Variants in CDK18 observed in about 807,000 individuals in gnomAD.
CDK18 encodes cyclin dependent kinase 18, also known as cyclin-dependent kinase 18.
A neutral mutation model predicts 62.0 loss-of-function variants in CDK18; 52 were observed. The observed-to-expected ratio is 0.84, with a 90% CI of 0.67 to 1.06. CDK18 has a LOEUF of 1.06. Ranked by LOEUF, CDK18 falls within the 50% of genes least tolerant of loss-of-function variation. The pLI is 0.00. For synonymous variants in CDK18, 237 were observed against 247.0 expected (o/e 0.96, Z 0.38); for missense variants, 604 against 619.9 (o/e 0.97, Z 0.27).
intron 1 of CDK18, among the ~76,000 whole-genome samples, chr1:205,520,140 G>A (rs1172621735): frequency 6.6e-6 from 1 of 152,156 alleles, no homozygotes; most frequent in African/African-American, 2.4e-5. Context: ...TCCTGTGGGG[G>A]GCCTCCTGCT....
chr1:205,531,812 T>C lies in CDK18; in HGVS notation c.*434T>C. 1 of 185,002 alleles carries C rather than the reference T, an allele frequency of 5.4e-6. No homozygotes were observed. Among genetic ancestry groups the C allele is most frequent in the Non-Finnish European group, 1.1e-5 (1 of 89,592 alleles). The allele number at this position is 185,002 out of a possible 1,614,324, so 11.5% of individuals were successfully genotyped here. A position where few individuals can be genotyped will look rare whatever the true frequency, so the allele number is the denominator to read the frequency against. ...TTTGGTAGTCCCCCTTTCTGGCCCCTTGGAGCCCACACACGTTTCATCTTT... is the reference window on the plus strand; with the variant it reads ...TTTGGTAGTCCCCCTTTCTGGCCCCCTGGAGCCCACACACGTTTCATCTTT... On this transcript the variant is annotated 3_prime_UTR_variant, in exon 16 of 16. Transcript: ENST00000429964.
rs955800195 is a variant in CDK18, at chr1:205,516,098, AG to A, written c.-21-7047del. ...GCTAAGGGGTGACTGGCTTCCCCTG[AG>A]GTTTGTCCCAGGCTCCTGGAAACTA... On this transcript the variant is annotated intron_variant, in intron 1 of 15. Coordinates refer to ENST00000429964, the MANE Select transcript of CDK18 (RefSeq NM_212502.3). This position sits in a 1 kb window ranked among gnomAD's most constrained non-coding sequence, Gnocchi z 4.8. 2.2e-4 allele frequency among the ~76,000 whole-genome samples: 34 copies of A among 152,156 alleles called. No individual in the cohort carries two copies. Among genetic ancestry groups the A allele is most frequent in the African/African-American group, 8.2e-4 (34 of 41,438 alleles).
At chr1:205,511,228 T>C (rs1193743254) in intron 1 of CDK18, among the ~76,000 whole-genome samples, 1 of 152,268 alleles carries the variant, frequency 6.6e-6, no homozygotes, top group Non-Finnish European at 1.5e-5. Context: ...AAACATTTTA[T>C]AAAATTCAAA....
intron 1 of CDK18, among the ~76,000 whole-genome samples, chr1:205,519,838 C>G (rs1490173877): frequency 6.6e-6 from 1 of 152,016 alleles, no homozygotes; most frequent in Non-Finnish European, 1.5e-5. Flanking sequence ...CTCCCCTCAC[C>G]CTACAAGCAA....
Position 205,529,039 on chromosome 1 carries a change from C to A in CDK18, c.1015C>A (p.Pro339Thr), listed in dbSNP as rs1381404903. Residue 339 changes from proline (P) to threonine (T), a missense_variant, in exon 11 of 16, where the codon CCC (proline) becomes ACC (threonine). Physicochemically the swap from Pro to Thr is conservative, Grantham distance 38 (BLOSUM62 -1). Coordinates refer to ENST00000429964, the MANE Select transcript of CDK18 (RefSeq NM_212502.3). ...CCACTACGAGATGGCCACAGGGAGG[C>A]CCCTCTTCCCGGGCTCCACAGTCAA... ...CIHYEMATGR[P>T]LFPGSTVKEE... 2.5e-6 allele frequency: 4 copies of A among 1,596,942 alleles called. No homozygotes were observed. The East Asian group carries it at 9.0e-5, about 36-fold the overall frequency.
rs1417290200 is a variant in CDK18 at position 205,529,093 on chromosome 1, C to T, written c.1069C>T (p.Leu357Phe). 1 of 1,573,452 alleles carries T rather than the reference C, an allele frequency of 6.4e-7. No individual in the cohort carries two copies. The highest frequency in any genetic ancestry group is 2.3e-5 in the East Asian group (1 of 42,960). ...KEELHLIFRL[L>F]GTPTEETWPG... ...GGAGCTGCACCTCATCTTTCGCCTC[C>T]TCGGTCAGTCTCCCGCTGCTCCGTC... The change falls in exon 11 of 16, where the codon CTC (leucine) becomes TTC (phenylalanine). Residue 357 changes from leucine to phenylalanine, a missense_variant. Coordinates refer to ENST00000429964, the MANE Select transcript of CDK18 (RefSeq NM_212502.3).
intron 1 of CDK18, among the ~76,000 whole-genome samples, chr1:205,507,005 C>T (rs1667338307): frequency 6.6e-6 from 1 of 152,208 alleles, no homozygotes; most frequent in South Asian, 2.1e-4. Context: ...CTGTCCTCTG[C>T]CTACTTGGGC....
At position 205,527,936 on chromosome 1, in the gene CDK18, T is replaced by C. The variant is rs764679406; in HGVS notation, c.853+19T>C. ...GACTTTGGTGAGGCTGGGGCTAGGG[T>C]GGGGGTCTGACGCTACTGGGGTGCC... On this transcript the variant is annotated intron_variant, in intron 9 of 15. Transcript: ENST00000429964. This position sits in a 1 kb window ranked among gnomAD's most constrained non-coding sequence, Gnocchi z 4.1. 3 of 1,613,518 alleles carry C rather than the reference T, an allele frequency of 1.9e-6. No individual in the cohort carries two copies. Among genetic ancestry groups the C allele is most frequent in the Non-Finnish European group, 2.5e-6 (3 of 1,179,794 alleles).
chr1:205,515,487 AT>A (rs2102283782), intron 1 of CDK18, among the ~76,000 whole-genome samples: 1 of 152,260 alleles, frequency 6.6e-6, no homozygotes, highest in African/African-American at 2.4e-5. Context: ...ACTTTGAAAG[AT>A]TTTAAATGGG....
Position 205,526,170 on chromosome 1 carries a change from A to G in CDK18, c.562A>G (p.Ile188Val), listed in dbSNP as rs1346148584. 8 of 1,613,460 alleles carry G rather than the reference A, an allele frequency of 5.0e-6. No individual in the cohort carries two copies. The South Asian group carries it at 5.5e-5, about 11-fold the overall frequency. The stretch of plus-strand genomic sequence containing the variant: ...CGAGGAGGGAGCGCCCTGCACTGCC[A>G]TCCGAGAGGGTACAGCATCCTAGGC... ...EHEEGAPCTA[I>V]REVSLLKNLK... Residue 188 changes from isoleucine to valine, a missense_variant, in exon 6 of 16, where the codon ATC becomes GTC. Transcript: ENST00000429964.
In CDK18 at chr1:205,528,861, C is replaced by T. The variant is rs1668576845; in HGVS notation, c.975-138C>T. ...GGGCAGTTCTAGGAGCCTCCACTGC[C>T]CTGGGCCACCCCTCCGCCGCCAGAG... On this transcript the variant is annotated intron_variant, in intron 10 of 15. Transcript: ENST00000429964. This position sits in a 1 kb window ranked among gnomAD's most constrained non-coding sequence, Gnocchi z 4.2. 1 of 609,632 alleles carries T rather than the reference C, an allele frequency of 1.6e-6. No individual in the cohort carries two copies. The highest frequency in any genetic ancestry group is 2.9e-6 in the Non-Finnish European group (1 of 341,108). The allele number at this position is 609,632 out of a possible 1,614,324, so 37.8% of individuals were successfully genotyped here.
Position 205,529,564 on chromosome 1 carries a change from G to T in CDK18, c.1221+1G>T, listed in dbSNP as rs1157399335. 1 of 1,613,706 alleles carries T rather than the reference G, an allele frequency of 6.2e-7. No homozygotes were observed. Among genetic ancestry groups the T allele is most frequent in the Non-Finnish European group, 8.5e-7 (1 of 1,179,934 alleles). On this transcript the variant is annotated splice_donor_variant, in intron 13 of 15. Transcript: ENST00000429964. LOFTEE classifies it high-confidence loss of function. ...CCACCTCCTGAGCAGCCTGCTCCTGGTGAGTGTCCTCCCGGCGGGGCCCAG... is the reference window on the plus strand; with the variant it reads ...CCACCTCCTGAGCAGCCTGCTCCTGTTGAGTGTCCTCCCGGCGGGGCCCAG...
chr1:205,529,434 C>T lies in CDK18; in HGVS notation c.1178+5C>T. ...GCTCATCAACCACGCGCCCAGGTAG[C>T]CCCTGCGCCCGCCGCCCCTCCTGCT... On this transcript the variant is annotated splice_donor_5th_base_variant and intron_variant, in intron 12 of 15. Coordinates refer to ENST00000429964, the MANE Select transcript of CDK18 (RefSeq NM_212502.3). 1.3e-5 allele frequency: 21 copies of T among 1,612,902 alleles called. No homozygotes were observed. The highest frequency in any genetic ancestry group is 1.8e-5 in the Non-Finnish European group (21 of 1,179,238).
chr1:205,523,371 A>T (rs543414279), intron 2 of CDK18, 74 bp downstream of exon 2: 1 of 1,544,258 alleles, frequency 6.5e-7, no homozygotes, highest in East Asian at 2.4e-5. Flanking sequence ...CTCCCCGCCC[A>T]CCCCCTCCCC....
intron 1 of CDK18, among the ~76,000 whole-genome samples, chr1:205,505,666 G>C (rs1397566819): frequency 6.6e-6 from 1 of 152,318 alleles, no homozygotes; most frequent in South Asian, 2.1e-4. Flanking sequence ...CGCCCTGTGG[G>C]GGGCGGGGAT....
intron 1 of CDK18, 98 bp from the exon 2 acceptor site, chr1:205,523,049 C>A (rs1429508483): frequency 7.5e-6 from 10 of 1,341,082 alleles, no homozygotes; most frequent in South Asian, 1.4e-5. Context: ...GCATACAGGG[C>A]GACAGAGCTT....
At position 205,516,814 on chromosome 1, in the gene CDK18, C is replaced by G. The variant is rs1274050356; in HGVS notation, c.-21-6333C>G. The G allele has an allele frequency of 6.6e-6, 1 of 152,284 alleles. No individual in the cohort carries two copies. Among genetic ancestry groups the G allele is most frequent in the Admixed American group, 6.6e-5 (1 of 15,258 alleles). The allele number at this position is 152,284 out of a possible 1,614,324, so 9.4% of individuals were successfully genotyped here. On this transcript the variant is annotated intron_variant, in intron 1 of 15. Transcript: ENST00000429964. This position sits in a 1 kb window ranked among gnomAD's most constrained non-coding sequence, Gnocchi z 4.8. ...ATCTTGAAGGGCCTTTGGGTGCAGG[C>G]TGGGGAATCGGGGCTTTGTTCAAGA...
At chr1:205,514,305 A>G (rs906324981) in intron 1 of CDK18, among the ~76,000 whole-genome samples, 4 of 152,072 alleles carry the variant, frequency 2.6e-5, no homozygotes, top group African/African-American at 9.7e-5. Flanking sequence ...TCCCCCATCC[A>G]TCTGCTTGGG....
At position 205,531,643 on chromosome 1, in the gene CDK18, G is replaced by A; in HGVS notation, c.*265G>A. ...TGCTTCCCTGAGAGGACATGAGGGG[G>A]GGGCGGTCCTCGTACCCTCTCCCAC... On this transcript the variant is annotated 3_prime_UTR_variant, in exon 16 of 16. Coordinates refer to ENST00000429964, the MANE Select transcript of CDK18 (RefSeq NM_212502.3). 1 of 489,920 alleles carries A rather than the reference G, an allele frequency of 2.0e-6. No individual in the cohort carries two copies. Among genetic ancestry groups the A allele is most frequent in the Admixed American group, 3.5e-5 (1 of 28,786 alleles). The allele number at this position is 489,920 out of a possible 1,614,324, so 30.3% of individuals were successfully genotyped here.
Sources: allele counts gnomAD v4.1 joint callset (sites outside exome capture counted in the v4.1 genomes callset), GRCh38; gene constraint gnomAD v4.1.1; non-coding constraint Gnocchi (gnomAD v3.1); transcripts MANE v1.5; gene names NCBI Gene and HGNC (gene_info 2026-07-23, HGNC 2026-07-21).